The following DNAH14 variants were observed in gnomAD, a reference collection of about 807,000 sequenced individuals.
DNAH14 encodes dynein axonemal heavy chain 14.
Under a neutral mutation model 520.9 loss-of-function variants are expected in DNAH14, and 478 were observed. The ratio of observed to expected loss-of-function variants is 0.92; its 90% CI spans 0.85 to 0.99. The LOEUF (loss-of-function observed/expected upper bound fraction) is 0.99, where lower values mean the gene tolerates loss of function less well. Ranked by LOEUF, DNAH14 falls within the 50% of genes least tolerant of loss-of-function variation. The probability of loss-of-function intolerance (pLI) is 0.00; values close to 1 mark genes in which losing one functional copy is unlikely to be tolerated. For missense variants in DNAH14, 4,831 were observed against 5,234.5 expected (o/e 0.92, Z 2.38); for synonymous variants, 1,581 against 1,757.2 (o/e 0.90, Z 2.51).
intron 79 of DNAH14, among the ~76,000 whole-genome samples, chr1:225,378,892 A>AAG (rs59639232): frequency 6.8e-6 from 1 of 147,366 alleles, no homozygotes; most frequent in East Asian, 2.0e-4. Flanking sequence ...AAAAAAAAAA[A>AAG]GAAAAGAAAA....
At chr1:224,934,062 T>C (rs1031647248) in intron 1 of DNAH14, among the ~76,000 whole-genome samples, 1 of 151,852 alleles carries the variant, frequency 6.6e-6, no homozygotes, top group Non-Finnish European at 1.5e-5. Flanking sequence ...GTATCAAAAA[T>C]AGGAAGAAGT....
At chr1:225,340,952 A>G (rs2095166052) in intron 69 of DNAH14, among the ~76,000 whole-genome samples, 1 of 152,194 alleles carries the variant, frequency 6.6e-6, no homozygotes, top group African/African-American at 2.4e-5. Context: ...AAGTTCTAAG[A>G]CAAATCTTAC....
intron 38 of DNAH14, among the ~76,000 whole-genome samples, chr1:225,201,235 T>C (rs542241786): frequency 1.7e-4 from 26 of 152,212 alleles, no homozygotes; most frequent in African/African-American, 6.0e-4. Flanking sequence ...TTATTTATGC[T>C]ATCTATTTCA....
At chr1:225,092,747 G>GA in intron 21 of DNAH14, among the ~76,000 whole-genome samples, 1 of 151,364 alleles carries the variant, frequency 6.6e-6, no homozygotes, top group East Asian at 1.9e-4. Flanking sequence ...TTGGTAATTT[G>GA]AAAAAATTAA....
chr1:225,305,215 G>A (rs1487492346), intron 58 of DNAH14, 126 bp downstream of exon 58: 1 of 1,112,068 alleles, frequency 9.0e-7, no homozygotes, highest in Non-Finnish European at 1.3e-6. Context: ...AGAAGCTGCA[G>A]AAGATCTTAA....
chr1:225,171,953 T>C (rs2149232512), intron 36 of DNAH14, among the ~76,000 whole-genome samples: 1 of 152,330 alleles, frequency 6.6e-6, no homozygotes. Flanking sequence ...GATGCAAGGC[T>C]GGTTCATCAT....
intron 77 of DNAH14, among the ~76,000 whole-genome samples, chr1:225,374,064 A>C (rs2095654542): frequency 7.0e-6 from 1 of 143,676 alleles, no homozygotes; most frequent in Non-Finnish European, 1.5e-5. Flanking sequence ...AGCCAAGATC[A>C]CACCACTGCA....
chr1:225,345,895 G>C, intron 69 of DNAH14, 67 bp from the exon 70 acceptor site: 2 of 1,334,216 alleles, frequency 1.5e-6, no homozygotes, highest in Non-Finnish European at 2.0e-6. Flanking sequence ...AAAGAGTGCA[G>C]AGTGAGGAAA....
At chr1:225,192,445 G>A (rs901461210) in intron 37 of DNAH14, among the ~76,000 whole-genome samples, 2 of 152,000 alleles carry the variant, frequency 1.3e-5, no homozygotes, top group Non-Finnish European at 2.9e-5. Flanking sequence ...CCTGGATTAG[G>A]CACAGATTTT....
At chr1:225,184,694 A>G (rs754704981) in intron 36 of DNAH14, among the ~76,000 whole-genome samples, 1 of 152,004 alleles carries the variant, frequency 6.6e-6, no homozygotes, top group African/African-American at 2.4e-5. Context: ...AAAATCCAAC[A>G]TCCCTTTTTG....
At chr1:225,124,442 C>T (rs1160420386) in intron 27 of DNAH14, among the ~76,000 whole-genome samples, 1 of 152,206 alleles carries the variant, frequency 6.6e-6, no homozygotes, top group Non-Finnish European at 1.5e-5. Flanking sequence ...ATGTAATATA[C>T]TAAATCCTTT....
In DNAH14 at chr1:224,967,507, A is replaced by G; in HGVS notation, c.575A>G (p.Asp192Gly). The G allele has an allele frequency of 4.4e-6, 7 of 1,603,236 alleles. No individual in the cohort carries two copies. Among genetic ancestry groups the G allele is most frequent in the Non-Finnish European group, 6.0e-6 (7 of 1,175,732 alleles). The change falls in exon 6 of 86, where the codon GAT (aspartate) becomes GGT (glycine). Residue 192 changes from aspartate to glycine, a missense_variant. Asp to Gly is a moderately conservative substitution (Grantham distance 94, BLOSUM62 -1). Coordinates refer to ENST00000682510, the MANE Select transcript of DNAH14 (RefSeq NM_001367479.1). The part of the protein sequence containing the change: ...KSPKSLYNPY[D>G]LQVVSAHTAK... Reference sequence around the variant, plus strand: ...CCTAAATCCCTTTACAATCCATATGATCTTCAGGTAGTATCGGCTCATACT... The same window carrying G: ...CCTAAATCCCTTTACAATCCATATGGTCTTCAGGTAGTATCGGCTCATACT...
At chr1:225,354,336 C>T (rs1475224602) in intron 73 of DNAH14, 18 of 684,188 alleles carry the variant, frequency 2.6e-5, no homozygotes, top group Non-Finnish European at 5.4e-6. Context: ...ACCTAAACCA[C>T]ATCCACCAAC....
In DNAH14 at chr1:225,144,725, T is replaced by A; in HGVS notation, c.4740+97T>A. The A allele has an allele frequency of 4.2e-6, 4 of 948,032 alleles. No individual in the cohort carries two copies. The South Asian group carries it at 5.1e-5, about 12-fold the overall frequency. 58.7% of individuals were successfully genotyped at this position (948,032 alleles called of 1,614,324 possible). On this transcript the variant is annotated intron_variant, in intron 29 of 85. Coordinates refer to ENST00000682510, the MANE Select transcript of DNAH14 (RefSeq NM_001367479.1). The stretch of plus-strand genomic sequence containing the variant: ...ATTTACACCATTCCTGCTATTAAGA[T>A]GTTCATTGCATTAACAAGCACATTC...
At chr1:225,188,516 A>C (rs2085020381) in intron 37 of DNAH14, among the ~76,000 whole-genome samples, 1 of 151,944 alleles carries the variant, frequency 6.6e-6, no homozygotes, top group Non-Finnish European at 1.5e-5. Context: ...ATAATATATA[A>C]AGGGTTCTGT....
At position 225,240,661 on chromosome 1, in the gene DNAH14, T is replaced by C. The variant is rs888872450; in HGVS notation, c.6587T>C (p.Val2196Ala). The change falls in exon 43 of 86, where the codon GTG becomes GCG. Residue 2196 changes from valine to alanine, a missense_variant. Transcript: ENST00000682510. ...ACAAAAATTATTCAAAAGCTTTTTG[T>C]GTTTGCCTTTACTTGGGCATTTGGA... ...KLTKIIQKLFVFAFTWAFGGA... is the reference protein window; with the variant it reads ...KLTKIIQKLFAFAFTWAFGGA... 14 of 1,550,794 alleles carry C rather than the reference T, an allele frequency of 9.0e-6. No individual in the cohort carries two copies. The highest frequency in any genetic ancestry group is 2.0e-5 in the Admixed American group (1 of 50,982).
chr1:225,008,086 C>T (rs1226272033), intron 10 of DNAH14, among the ~76,000 whole-genome samples: 2 of 151,980 alleles, frequency 1.3e-5, no homozygotes, highest in African/African-American at 2.4e-5. Context: ...CCCCCAACCC[C>T]GCGACATGCC....
chr1:225,017,497 C>T (rs1369980217), intron 10 of DNAH14, among the ~76,000 whole-genome samples: 1 of 152,236 alleles, frequency 6.6e-6, no homozygotes, highest in African/African-American at 2.4e-5. Context: ...AATGTGTTCA[C>T]TCATGGCACC....
chr1:225,140,291 T>G (rs1458760381), intron 27 of DNAH14, among the ~76,000 whole-genome samples: 1 of 152,174 alleles, frequency 6.6e-6, no homozygotes, highest in Non-Finnish European at 1.5e-5. Context: ...CAATCTGACC[T>G]TAATCCAGTA....
Sources: gnomAD v4.1 joint callset for allele counts (sites outside exome capture counted in the v4.1 genomes callset) on GRCh38, gnomAD v4.1.1 for gene constraint, MANE v1.5 for transcripts, NCBI Gene and HGNC (gene_info 2026-07-23, HGNC 2026-07-21) for gene names.